LRBA: variants seen among roughly 807,000 people sequenced by gnomAD.
LRBA encodes lipopolysaccharide-responsive and beige-like anchor protein.
A neutral mutation model predicts 330.0 loss-of-function variants in LRBA; 176 were observed. The ratio of observed to expected loss-of-function variants is 0.53; its 90% CI spans 0.47 to 0.60. The LOEUF is 0.60. Ranked by LOEUF, LRBA falls within the 20% of genes least tolerant of loss-of-function variation. LRBA has a pLI of 0.00. For missense variants in LRBA, 3,259 were observed against 3,444.8 expected (o/e 0.95, Z 1.35); for synonymous variants, 1,230 against 1,193.0 (o/e 1.03, Z -0.64).
At chr4:150,539,148 G>A (rs1238686818) in intron 40 of LRBA, among the ~76,000 whole-genome samples, 3 of 151,970 alleles carry the variant, frequency 2.0e-5, no homozygotes, top group African/African-American at 7.3e-5. Context: ...GCTAATTTTT[G>A]TATTTTTAGT....
In LRBA at chr4:150,852,289, C is replaced by T; in HGVS notation, c.3421G>A (p.Ala1141Thr). The part of the protein sequence containing the change: ...DNSLSPAASE[A>T]GEKLDMFGND... ...CCAAACATGTCCAGTTTTTCACCGG[C>T]TTCAGATGCAGCTGGAGACAAACTG... Residue 1141 changes from alanine to threonine, a missense_variant, in exon 23 of 57, where the codon GCC becomes ACC. Ala to Thr is a moderately conservative substitution (Grantham distance 58). Transcript: ENST00000651943. The T allele has an allele frequency of 6.2e-7, 1 of 1,614,102 alleles. No homozygotes were observed. The highest frequency in any genetic ancestry group is 8.5e-7 in the Non-Finnish European group (1 of 1,180,016).
intron 30 of LRBA, among the ~76,000 whole-genome samples, chr4:150,825,923 G>A (rs1746197261): frequency 6.6e-6 from 1 of 152,062 alleles, no homozygotes; most frequent in Non-Finnish European, 1.5e-5. Context: ...CTATTGTAAA[G>A]AAAAGGAAGT....
intron 36 of LRBA, among the ~76,000 whole-genome samples, chr4:150,690,025 ATAGT>A (rs2126946787): frequency 6.6e-6 from 1 of 152,268 alleles, no homozygotes; most frequent in African/African-American, 2.4e-5. Flanking sequence ...AAACCATAAA[ATAGT>A]TAAGAGAAAT....
chr4:150,616,922 A>G (rs1484631878), intron 37 of LRBA, among the ~76,000 whole-genome samples: 1 of 152,242 alleles, frequency 6.6e-6, no homozygotes, highest in African/African-American at 2.4e-5. Flanking sequence ...ATAGAGAAAT[A>G]TAATTTGAAA....
chr4:150,399,301 C>T (rs1028202818), intron 47 of LRBA, among the ~76,000 whole-genome samples: 2 of 152,094 alleles, frequency 1.3e-5, no homozygotes, highest in Non-Finnish European at 2.9e-5. Flanking sequence ...CTAAATTCTC[C>T]TTTCCTGTGA....
rs1176484517 is a variant in LRBA at position 150,277,966 on chromosome 4, T to C, written c.8355A>G (p.Thr2785=). ...QLSRDGQYLL[T]GGDRGVVVVR... is the part of the protein sequence containing the mutation. ...CCACGACCACTCCTCTGTCTCCTCC[T>C]GTGAGCAGGTACTGCCCATCTCGGC... The change falls in exon 56 of 57, where the codon ACA becomes ACG. Residue 2785 remains threonine, a synonymous_variant. Coordinates refer to ENST00000651943, the MANE Select transcript of LRBA (RefSeq NM_001364905.1). 1.9e-6 allele frequency: 3 copies of C among 1,614,160 alleles called. No individual in the cohort carries two copies. The highest frequency in any genetic ancestry group is 2.5e-6 in the Non-Finnish European group (3 of 1,180,014).
chr4:150,371,031 C>T lies in LRBA; in HGVS notation c.7195-20872G>A, dbSNP rs550436068. Among the ~76,000 whole-genome samples, 13 of 151,958 alleles carry T rather than the reference C, an allele frequency of 8.6e-5. No individual in the cohort carries two copies. The South Asian group carries it at 2.7e-3, about 32-fold the overall frequency. Reference sequence around the variant, plus strand: ...TTCATTCCCACCAAATGTGCCACGGCCTACAGAGAAAGAAGCATTAATTAA... The same window carrying T: ...TTCATTCCCACCAAATGTGCCACGGTCTACAGAGAAAGAAGCATTAATTAA... On this transcript the variant is annotated intron_variant, in intron 47 of 56. Coordinates refer to ENST00000651943, the MANE Select transcript of LRBA (RefSeq NM_001364905.1).
intron 31 of LRBA, among the ~76,000 whole-genome samples, chr4:150,813,717 A>G (rs1307533832): frequency 6.6e-6 from 1 of 152,136 alleles, no homozygotes; most frequent in East Asian, 1.9e-4. Flanking sequence ...ATTTCCAAAT[A>G]TCCACAAATG....
At chr4:150,887,477 G>A (rs1207325256) in intron 17 of LRBA, among the ~76,000 whole-genome samples, 1 of 151,996 alleles carries the variant, frequency 6.6e-6, no homozygotes, top group East Asian at 1.9e-4. Context: ...AACCGGCCGG[G>A]AGCAGTGGCT....
intron 34 of LRBA, among the ~76,000 whole-genome samples, chr4:150,784,558 T>G (rs760119212): frequency 2.7e-4 from 41 of 152,204 alleles, no homozygotes; most frequent in Non-Finnish European, 1.8e-4. Context: ...GTGAATGACA[T>G]GCCTGGTCAA....
intron 34 of LRBA, among the ~76,000 whole-genome samples, chr4:150,766,103 A>T (rs879382274): frequency 2.0e-5 from 3 of 152,090 alleles, no homozygotes; most frequent in Admixed American, 1.3e-4. Context: ...CTCGAGGATC[A>T]TCTATAAACC....
At chr4:150,593,020 A>C (rs1773082735) in intron 38 of LRBA, among the ~76,000 whole-genome samples, 1 of 152,162 alleles carries the variant, frequency 6.6e-6, no homozygotes, top group Non-Finnish European at 1.5e-5. Context: ...AAAATCACTT[A>C]TATTTCAAGT....
intron 34 of LRBA, among the ~76,000 whole-genome samples, chr4:150,764,979 A>T (rs1185880093): frequency 6.6e-6 from 1 of 152,038 alleles, no homozygotes; most frequent in Non-Finnish European, 1.5e-5. Context: ...GGAGATTTAT[A>T]GCAGCTTTAT....
intron 37 of LRBA, among the ~76,000 whole-genome samples, chr4:150,600,486 T>C (rs1774000608): frequency 6.6e-6 from 1 of 152,096 alleles, no homozygotes; most frequent in Non-Finnish European, 1.5e-5. Context: ...GCATAAACAG[T>C]ACGTTATTTA....
intron 37 of LRBA, among the ~76,000 whole-genome samples, chr4:150,630,512 A>C (rs1777272514): frequency 1.3e-5 from 2 of 152,180 alleles, no homozygotes; most frequent in Admixed American, 1.3e-4. Flanking sequence ...ATCATGTCAT[A>C]TGTGATATGC....
rs372229141 is a variant in LRBA, at chr4:150,525,464, T to A, written c.6331-34429A>T. Among the ~76,000 whole-genome samples the A allele has an allele frequency of 3.3e-5, 5 of 152,302 alleles. No homozygotes were observed. The South Asian group carries it at 6.2e-4, about 19-fold the overall frequency. On this transcript the variant is annotated intron_variant, in intron 40 of 56. Transcript: ENST00000651943. Reference sequence around the variant, plus strand: ...TCTGTGTGTGGGAAAATGGGCTGTGTGCTAGATAAACGGCCTACCTGCCTC... The same window carrying A: ...TCTGTGTGTGGGAAAATGGGCTGTGAGCTAGATAAACGGCCTACCTGCCTC...
At chr4:150,910,084 A>C (rs1560993179) in intron 9 of LRBA, among the ~76,000 whole-genome samples, 2 of 152,096 alleles carry the variant, frequency 1.3e-5, no homozygotes, top group Non-Finnish European at 2.9e-5. Context: ...ATTGCTAAAT[A>C]TTTTCTCTCA....
intron 42 of LRBA, among the ~76,000 whole-genome samples, chr4:150,487,152 C>T (rs992155335): frequency 1.3e-5 from 2 of 151,386 alleles, no homozygotes; most frequent in African/African-American, 4.8e-5. Flanking sequence ...GATATATACC[C>T]AGTAGTGGGA....
At chr4:150,265,837 CTT>C (rs768915970) in intron 56 of LRBA, 25 bp from the exon 57 acceptor site, 5 of 1,429,972 alleles carry the variant, frequency 3.5e-6, no homozygotes, top group Non-Finnish European at 4.9e-6. Flanking sequence ...GAGAGAAGGA[CTT>C]TTACAAACCT....
Sources: gnomAD v4.1 joint callset for allele counts (sites outside exome capture counted in the v4.1 genomes callset) on GRCh38, gnomAD v4.1.1 for gene constraint, MANE v1.5 for transcripts, NCBI Gene and HGNC (gene_info 2026-07-23, HGNC 2026-07-21) for gene names.